Variants in SH3BP2 observed in about 807,000 individuals in gnomAD.
SH3BP2 encodes SH3 domain-binding protein 2.
SH3BP2 carries 38 observed loss-of-function variants against 56.2 expected under a neutral mutation model. The observed-to-expected ratio is 0.68, with a 90% CI of 0.52 to 0.89. SH3BP2 has a LOEUF of 0.89. Ranked by LOEUF, SH3BP2 falls within the 40% of genes least tolerant of loss-of-function variation. The pLI, the probability that SH3BP2 is intolerant of heterozygous loss-of-function variation, is 0.00. For missense variants in SH3BP2, 748 were observed against 762.6 expected (o/e 0.98, Z 0.23); for synonymous variants, 346 against 316.7 (o/e 1.09, Z -0.98).
At chr4:2,804,957 C>G (rs1723470639) in intron 1 of SH3BP2, among the ~76,000 whole-genome samples, 1 of 152,258 alleles carries the variant, frequency 6.6e-6, no homozygotes, top group Admixed American at 6.5e-5. Flanking sequence ...GGGCACAGAG[C>G]TGGCGCACTC....
At chr4:2,799,022 C>A in intron 1 of SH3BP2, 2 of 985,554 alleles carry the variant, frequency 2.0e-6, no homozygotes, top group South Asian at 4.7e-5. Context: ...ACTCCAAAGC[C>A]GGCGTCAGGT....
At chr4:2,830,731 C>T (rs1054871529) in intron 8 of SH3BP2, among the ~76,000 whole-genome samples, 1 of 152,244 alleles carries the variant, frequency 6.6e-6, no homozygotes, top group East Asian at 1.9e-4. Flanking sequence ...CACAGAGTTA[C>T]GCCAATGGCT....
In SH3BP2 at chr4:2,827,593, T is replaced by A. The variant is rs1724741528; in HGVS notation, c.518-13T>A. On this transcript the variant is annotated splice_polypyrimidine_tract_variant and intron_variant, in intron 6 of 12. Coordinates refer to ENST00000503393, the MANE Select transcript of SH3BP2 (RefSeq NM_001122681.2). ...GCCGGTTTGGCTCTCACCACCCCCCTCTCCCCATGCAGACTATGAGCACGA... is the reference window on the plus strand; with the variant it reads ...GCCGGTTTGGCTCTCACCACCCCCCACTCCCCATGCAGACTATGAGCACGA... 1.3e-6 allele frequency: 2 copies of A among 1,582,446 alleles called. No individual in the cohort carries two copies. Among genetic ancestry groups the A allele is most frequent in the Admixed American group, 3.6e-5 (2 of 55,700 alleles).
rs768800717 is a variant in SH3BP2 at position 2,829,655 on chromosome 4, CT to C, written c.750del (p.Ala251LeufsTer27). On this transcript the variant is annotated frameshift_variant, in exon 8 of 13. Transcript: ENST00000503393. LOFTEE classifies it high-confidence loss of function. This position sits in a 1 kb window ranked among gnomAD's most constrained non-coding sequence, Gnocchi z 4.9. ...PKHGLPDVGL[A>X]AEDSKRDPLC... ...CACGGCCTCCCAGATGTTGGCCTGG[CT>C]GCTGAGGACTCCAAGAGGGACCCAC... 5 of 1,613,130 alleles carry C rather than the reference CT, an allele frequency of 3.1e-6. No homozygotes were observed. Among genetic ancestry groups the C allele is most frequent in the Non-Finnish European group, 3.4e-6 (4 of 1,179,834 alleles).
chr4:2,833,431 G>A (rs183521914), intron 12 of SH3BP2: 1,260 of 591,216 alleles, frequency 2.1e-3, no homozygotes, highest in Non-Finnish European at 3.1e-3. Flanking sequence ...GGGCCACCGT[G>A]CCTGGCCTAG....
At position 2,833,461 on chromosome 4, in the gene SH3BP2, C is replaced by G. The variant is rs74998099; in HGVS notation, c.1549-236C>G. ...GCCTAGGTTCATTTCCTGACCTTGT[C>G]TGAAGTGCTCTGGGTGCAGGCTCCT... On this transcript the variant is annotated intron_variant, in intron 12 of 12. Transcript: ENST00000503393. 1.4e-3 allele frequency: 844 copies of G among 618,986 alleles called. 8 individuals carry two copies. The African/African-American group carries it at 0.014, about 11-fold the overall frequency. 38.3% of individuals were successfully genotyped at this position (618,986 alleles called of 1,614,324 possible). A position where few individuals can be genotyped will look rare whatever the true frequency, so the allele number is the denominator to read the frequency against.
rs113264790 is a variant in SH3BP2, at chr4:2,801,192, C to T, written c.-5+8054C>T. Among the ~76,000 whole-genome samples, 499 of 151,604 alleles carry T rather than the reference C, an allele frequency of 3.3e-3. 1 individual carries two copies. The highest frequency in any genetic ancestry group is 0.011 in the African/African-American group (466 of 41,146). ...GGGCTGGGCTCCTTTCCCGGCAGGC[C>T]GGGCCCACCGCCAGACCCTTGTCCT... On this transcript the variant is annotated intron_variant, in intron 1 of 12. Coordinates refer to ENST00000503393, the MANE Select transcript of SH3BP2 (RefSeq NM_001122681.2).
intron 1 of SH3BP2, among the ~76,000 whole-genome samples, chr4:2,807,810 GGGTCAGGCATGGCA>G (rs1253502321): frequency 6.6e-6 from 1 of 152,208 alleles, no homozygotes; most frequent in Non-Finnish European, 1.5e-5. Context: ...TGGCGGGTGT[GGGTCAGGCATGGCA>G]GGTGAGGCTG....
rs966736592 is a variant in SH3BP2 at position 2,810,496 on chromosome 4, A to G, written c.-4-10118A>G. Among the ~76,000 whole-genome samples, 1 of 151,616 alleles carries G rather than the reference A, an allele frequency of 6.6e-6. No homozygotes were observed. The highest frequency in any genetic ancestry group is 2.4e-5 in the African/African-American group (1 of 41,230). On this transcript the variant is annotated intron_variant, in intron 1 of 12. Transcript: ENST00000503393. This position sits in a 1 kb window ranked among gnomAD's most constrained non-coding sequence, Gnocchi z 4.2. The stretch of plus-strand genomic sequence containing the variant: ...CAGCTCAGGCCTTGTCCGCTCTTGC[A>G]TTTGCCTGCCCAGTAAGGGGTGGCG...
chr4:2,829,671 G>C lies in SH3BP2; in HGVS notation c.765G>C (p.Lys255Asn). The C allele has an allele frequency of 1.2e-6, 2 of 1,613,020 alleles. No individual in the cohort carries two copies. Among genetic ancestry groups the C allele is most frequent in the Non-Finnish European group, 1.7e-6 (2 of 1,179,886 alleles). Residue 255 changes from lysine to asparagine, a missense_variant, in exon 8 of 13, where the codon AAG (lysine) becomes AAC (asparagine). By Grantham distance (94) the Lys-to-Asn change is moderately conservative (BLOSUM62 0). Around this residue, in one of 3 missense-constraint regions of SH3BP2, gnomAD observed 635 missense variants for 615.0 expected, o/e 1.03. Coordinates refer to ENST00000503393, the MANE Select transcript of SH3BP2 (RefSeq NM_001122681.2). The surrounding 1 kb of genome is among the most constrained non-coding windows in gnomAD (Gnocchi z 4.9). ...PDVGLAAEDS[K>N]RDPLCPRRAE... ...TTGGCCTGGCTGCTGAGGACTCCAA[G>C]AGGGACCCACTGTGCCCGAGGCGGG... is the stretch of plus-strand genomic sequence containing the variant.
chr4:2,796,272 T>C (rs1439099157), intron 1 of SH3BP2: 1 of 270,060 alleles, frequency 3.7e-6, no homozygotes, highest in Non-Finnish European at 5.7e-6. Context: ...CGTGCCCAGG[T>C]TCGGGGCGGG....
rs926507248 is a variant in SH3BP2, at chr4:2,832,195, G to A, written c.1407-136G>A. 1.0e-4 allele frequency: 102 copies of A among 1,002,728 alleles called. No individual in the cohort carries two copies. Among genetic ancestry groups the A allele is most frequent in the Admixed American group, 4.2e-4 (24 of 57,204 alleles). The allele number at this position is 1,002,728 out of a possible 1,614,324, so 62.1% of individuals were successfully genotyped here. The stretch of plus-strand genomic sequence containing the variant: ...GCTGGGCTGCTTCTGTCAGCCTCAC[G>A]GCAGCCCGACGTGCTCAGCTCCTGA... On this transcript the variant is annotated intron_variant, in intron 10 of 12. Coordinates refer to ENST00000503393, the MANE Select transcript of SH3BP2 (RefSeq NM_001122681.2).
At position 2,829,419 on chromosome 4, in the gene SH3BP2, C is replaced by A; in HGVS notation, c.587-74C>A. The A allele has an allele frequency of 1.3e-6, 2 of 1,548,144 alleles. No homozygotes were observed. Among genetic ancestry groups the A allele is most frequent in the South Asian group, 1.1e-5 (1 of 89,766 alleles). On this transcript the variant is annotated intron_variant, in intron 7 of 12. Coordinates refer to ENST00000503393, the MANE Select transcript of SH3BP2 (RefSeq NM_001122681.2). This position sits in a 1 kb window ranked among gnomAD's most constrained non-coding sequence, Gnocchi z 4.9. ...TGGGTTGCACTCCTGGTTGGCCTGGCTGACCACTGCCAGCAGAGGATAGTG... is the reference window on the plus strand; with the variant it reads ...TGGGTTGCACTCCTGGTTGGCCTGGATGACCACTGCCAGCAGAGGATAGTG...
chr4:2,825,310 T>G (rs960083569), intron 5 of SH3BP2, 114 bp downstream of exon 5: 2 of 851,788 alleles, frequency 2.3e-6, no homozygotes, highest in African/African-American at 3.4e-5. Context: ...CCTTAAAGGT[T>G]TCCTGGAGGT....
chr4:2,830,363 T>G (rs563996584), intron 8 of SH3BP2, among the ~76,000 whole-genome samples: 4 of 151,220 alleles, frequency 2.6e-5, no homozygotes, highest in Non-Finnish European at 5.9e-5. Context: ...GGAAATGCTT[T>G]GTTTTTTTTT....
chr4:2,826,026 T>C (rs1340178807), intron 5 of SH3BP2, among the ~76,000 whole-genome samples: 2 of 152,272 alleles, frequency 1.3e-5, no homozygotes, highest in South Asian at 2.1e-4. Context: ...TGCAGGTCCC[T>C]GCCTGACTCC....
At position 2,831,682 on chromosome 4, in the gene SH3BP2, A is replaced by G; in HGVS notation, c.1350+3A>G. On this transcript the variant is annotated splice_donor_region_variant and intron_variant, in intron 9 of 12. Transcript: ENST00000503393. This position sits in a 1 kb window ranked among gnomAD's most constrained non-coding sequence, Gnocchi z 4.1. Reference sequence around the variant, plus strand: ...ACTCGGACGAGGACTATGAGAAGGCAAGGCTGAGCGGCAAGCCTGGGTCCC... The same window carrying G: ...ACTCGGACGAGGACTATGAGAAGGCGAGGCTGAGCGGCAAGCCTGGGTCCC... 6.3e-7 allele frequency: 1 copy of G among 1,585,436 alleles called. No individual in the cohort carries two copies. The highest frequency in any genetic ancestry group is 2.3e-5 in the East Asian group (1 of 43,312).
intron 1 of SH3BP2, among the ~76,000 whole-genome samples, chr4:2,816,148 G>C (rs1484977706): frequency 6.6e-6 from 1 of 151,746 alleles, no homozygotes; most frequent in Non-Finnish European, 1.5e-5. Context: ...TCCACCTCCC[G>C]GGTTCAAGCG....
intron 1 of SH3BP2, among the ~76,000 whole-genome samples, chr4:2,819,719 C>T (rs1029968053): frequency 7.8e-6 from 1 of 127,416 alleles, no homozygotes; most frequent in South Asian, 2.8e-4. Flanking sequence ...GGGTGCCTAG[C>T]AGAAGAGGGG....
Sources: allele counts gnomAD v4.1 joint callset (sites outside exome capture counted in the v4.1 genomes callset), GRCh38; gene constraint gnomAD v4.1.1; regional missense constraint gnomAD v4.1.1; non-coding constraint Gnocchi (gnomAD v3.1); transcripts MANE v1.5; gene names NCBI Gene and HGNC (gene_info 2026-07-23, HGNC 2026-07-21).